The following MSRA variants were observed in gnomAD, a reference collection of about 807,000 sequenced individuals.
The protein encoded by MSRA is mitochondrial peptide methionine sulfoxide reductase.
Under a neutral mutation model 31.3 loss-of-function variants are expected in MSRA, and 54 were observed. The observed-to-expected ratio is 1.73, with a 90% CI of 1.39 to 2.17. The LOEUF (loss-of-function observed/expected upper bound fraction) is 2.17. Ranked by LOEUF, MSRA falls within the 30% of genes most tolerant of loss-of-function variation. The pLI is 0.00. For synonymous variants in MSRA, 169 were observed against 116.5 expected (o/e 1.45, Z -2.90); for missense variants, 507 against 300.9 (o/e 1.69, Z -5.07).
intron 2 of MSRA, among the ~76,000 whole-genome samples, chr8:10,239,098 C>T (rs1302908988): frequency 2.6e-5 from 4 of 151,858 alleles, no homozygotes; most frequent in East Asian, 3.9e-4. Flanking sequence ...AACGAGTGTA[C>T]GTGAGTGGCC....
intron 1 of MSRA, among the ~76,000 whole-genome samples, chr8:10,195,001 C>T (rs1357432034): frequency 1.3e-5 from 2 of 152,218 alleles, no homozygotes; most frequent in Non-Finnish European, 2.9e-5. Context: ...TATTCTCCTG[C>T]ACTTTGATTT....
intron 2 of MSRA, among the ~76,000 whole-genome samples, chr8:10,230,473 G>A (rs1217861418): frequency 6.6e-6 from 1 of 152,098 alleles, no homozygotes; most frequent in East Asian, 1.9e-4. Context: ...TTCAACAACT[G>A]CCCTCATTTT....
chr8:10,274,884 C>T (rs767154946), intron 3 of MSRA, among the ~76,000 whole-genome samples: 14 of 152,140 alleles, frequency 9.2e-5, no homozygotes, highest in Non-Finnish European at 2.1e-4. Flanking sequence ...GCCAACCAAC[C>T]ATCTATCCGT....
At chr8:10,319,781 G>T in intron 4 of MSRA, 102 bp from the exon 5 acceptor site, 1 of 546,294 alleles carries the variant, frequency 1.8e-6, no homozygotes, top group Non-Finnish European at 3.0e-6. Flanking sequence ...CAGGCACAGG[G>T]ACCATATGAA....
In MSRA at chr8:10,086,898, GA is replaced by G. The variant is rs1798586386; in HGVS notation, c.142+32241del. 1.3e-5 allele frequency among the ~76,000 whole-genome samples: 2 copies of G among 151,602 alleles called. 1 individual carries two copies. Among genetic ancestry groups the G allele is most frequent in the South Asian group, 4.2e-4 (2 of 4,784 alleles). On this transcript the variant is annotated intron_variant, in intron 1 of 5. Coordinates refer to ENST00000317173, the MANE Select transcript of MSRA (RefSeq NM_012331.5). Reference sequence around the variant, plus strand: ...AGAGGGAGAGAGAGAGGGAGAGGGAGAGGGAGAGGGAGAGAGAGGAGAATGA... The same window carrying G: ...AGAGGGAGAGAGAGAGGGAGAGGGAGGGGAGAGGGAGAGAGAGGAGAATGA...
At chr8:10,097,634 C>A (rs765640488) in intron 1 of MSRA, among the ~76,000 whole-genome samples, 2 of 152,098 alleles carry the variant, frequency 1.3e-5, no homozygotes, top group African/African-American at 2.4e-5. Flanking sequence ...AAATATATAA[C>A]TTATTTAATT....
At chr8:10,076,627 T>C (rs1798007194) in intron 1 of MSRA, among the ~76,000 whole-genome samples, 1 of 152,170 alleles carries the variant, frequency 6.6e-6, no homozygotes, top group African/African-American at 2.4e-5. Flanking sequence ...CGCAAGGGAA[T>C]TTCTTTGCGG....
At chr8:10,292,536 G>A (rs1023480339) in intron 3 of MSRA, among the ~76,000 whole-genome samples, 21 of 152,352 alleles carry the variant, frequency 1.4e-4, no homozygotes, top group African/African-American at 4.1e-4. Context: ...TCCCTCCACC[G>A]TCGGTCCTCT....
intron 4 of MSRA, among the ~76,000 whole-genome samples, chr8:10,318,888 G>A (rs1801878443): frequency 6.6e-6 from 1 of 152,134 alleles, no homozygotes; most frequent in South Asian, 2.1e-4. Flanking sequence ...AGCTGCTTTT[G>A]CAAGCAGTAG....
intron 1 of MSRA, among the ~76,000 whole-genome samples, chr8:10,057,124 C>G (rs1040321002): frequency 4.6e-5 from 7 of 152,172 alleles, no homozygotes; most frequent in African/African-American, 1.7e-4. Context: ...TTATCCCAGG[C>G]TACCTAAAAT....
At chr8:10,070,389 C>T (rs972577543) in intron 1 of MSRA, among the ~76,000 whole-genome samples, 2 of 152,218 alleles carry the variant, frequency 1.3e-5, no homozygotes, top group East Asian at 1.9e-4. Context: ...TAATAGCCCA[C>T]AGGCCAAGTG....
At chr8:10,114,326 G>C (rs1188953794) in intron 1 of MSRA, among the ~76,000 whole-genome samples, 1 of 152,136 alleles carries the variant, frequency 6.6e-6, no homozygotes, top group Non-Finnish European at 1.5e-5. Context: ...GTGAATATAT[G>C]TTTTCAATTA....
Position 10,200,658 on chromosome 8 carries a change from G to C in MSRA, c.143-7175G>C, listed in dbSNP as rs112032667. On this transcript the variant is annotated intron_variant, in intron 1 of 5. Coordinates refer to ENST00000317173, the MANE Select transcript of MSRA (RefSeq NM_012331.5). Reference sequence around the variant, plus strand: ...CTCCCAGTGACTCACCCAGCACCATGTTTGTCCCCACGTAGCCTCTCCTGA... The same window carrying C: ...CTCCCAGTGACTCACCCAGCACCATCTTTGTCCCCACGTAGCCTCTCCTGA... Among the ~76,000 whole-genome samples, 399 of 152,288 alleles carry C rather than the reference G, an allele frequency of 2.6e-3. 2 individuals carry two copies. The highest frequency in any genetic ancestry group is 9.2e-3 in the African/African-American group (383 of 41,562).
At chr8:10,115,508 G>A (rs1800612241) in intron 1 of MSRA, among the ~76,000 whole-genome samples, 1 of 152,238 alleles carries the variant, frequency 6.6e-6, no homozygotes, top group Non-Finnish European at 1.5e-5. Context: ...AGAACTACGA[G>A]AAAATCAATT....
intron 5 of MSRA, among the ~76,000 whole-genome samples, chr8:10,342,444 A>G (rs191318481): frequency 2.9e-4 from 44 of 152,348 alleles, no homozygotes; most frequent in Non-Finnish European, 5.0e-4. Flanking sequence ...ACAGGGAAAT[A>G]TATCTTAGCA....
chr8:10,297,614 G>T (rs1463328510), intron 3 of MSRA, among the ~76,000 whole-genome samples: 1 of 152,146 alleles, frequency 6.6e-6, no homozygotes, highest in African/African-American at 2.4e-5. Flanking sequence ...TTGATCATTT[G>T]CACTGTGTAT....
chr8:10,111,598 G>C (rs1369779292), intron 1 of MSRA, among the ~76,000 whole-genome samples: 1 of 152,108 alleles, frequency 6.6e-6, no homozygotes, highest in Non-Finnish European at 1.5e-5. Context: ...TTTCCAAGTG[G>C]TTTAAAGGCA....
At chr8:10,116,718 A>T (rs1585184007) in intron 1 of MSRA, among the ~76,000 whole-genome samples, 1 of 152,310 alleles carries the variant, frequency 6.6e-6, no homozygotes, top group South Asian at 2.1e-4. Context: ...CTGTAATCTC[A>T]GCACTTTGGG....
At chr8:10,176,787 C>T (rs1806093014) in intron 1 of MSRA, among the ~76,000 whole-genome samples, 1 of 152,164 alleles carries the variant, frequency 6.6e-6, no homozygotes, top group South Asian at 2.1e-4. Flanking sequence ...AACCTAGTCC[C>T]CACCCAGGGC....
Sources: allele counts gnomAD v4.1 joint callset (sites outside exome capture counted in the v4.1 genomes callset), GRCh38; gene constraint gnomAD v4.1.1; transcripts MANE v1.5; gene names NCBI Gene and HGNC (gene_info 2026-07-23, HGNC 2026-07-21).